DNAH9: variants seen among roughly 807,000 people sequenced by gnomAD.
DNAH9 encodes the protein dynein axonemal heavy chain 9, also known as DNAH9 variant protein.
Under a neutral mutation model 471.6 loss-of-function variants are expected in DNAH9, and 345 were observed. The ratio of observed to expected loss-of-function variants is 0.73; its 90% confidence interval spans 0.67 to 0.80. The LOEUF is 0.80. Among genes scored for constraint, DNAH9 ranks in the 30% least tolerant of loss-of-function variants. The pLI is 0.00. For missense variants in DNAH9, 5,407 were observed against 5,609.2 expected, an observed-to-expected ratio of 0.96 and a Z score of 1.15; for synonymous variants, 2,093 against 2,123.6, an observed-to-expected ratio of 0.99 and a Z score of 0.40.
At chr17:11,718,609 A>G (rs537969259) in intron 26 of DNAH9, among the ~76,000 whole-genome samples, 1 of 152,376 alleles carries the variant, frequency 6.6e-6, no homozygotes, top group South Asian at 2.1e-4. Context: ...AAAGGATTAA[A>G]TGGATTGAAT....
chr17:11,878,326 G>C (rs373055167), intron 53 of DNAH9, among the ~76,000 whole-genome samples: 1 of 152,100 alleles, frequency 6.6e-6, no homozygotes, highest in African/African-American at 2.4e-5. Flanking sequence ...TGCATTATAT[G>C]TAATATGTAT....
At chr17:11,779,049 G>A (rs1968571037) in intron 38 of DNAH9, among the ~76,000 whole-genome samples, 1 of 152,012 alleles carries the variant, frequency 6.6e-6, no homozygotes, top group Non-Finnish European at 1.5e-5. Flanking sequence ...AGTATAAGAT[G>A]GCAGTGCAAT....
chr17:11,941,996 C>T (rs1974935193), intron 66 of DNAH9, among the ~76,000 whole-genome samples: 1 of 152,212 alleles, frequency 6.6e-6, no homozygotes, highest in Admixed American at 6.5e-5. Flanking sequence ...ATTCCCACAG[C>T]CAACTGGATC....
rs1555621039 is a variant in DNAH9, at chr17:11,920,035, C to CTTTCT, written c.11750-3776_11750-3775insCTTTT. ...GAAATGAAATGGAGCTAAGTTCTTT[C>CTTTCT]TTTTTTTTTTTTTTTTGAGACAGAG... On this transcript the variant is annotated intron_variant, in intron 61 of 68. Transcript: ENST00000262442. Among the ~76,000 whole-genome samples the CTTTCT allele has an allele frequency of 6.6e-5, 9 of 135,954 alleles. 1 individual carries two copies. The highest frequency in any genetic ancestry group is 3.2e-5 in the Non-Finnish European group (2 of 63,110). The allele number at this position is 135,954 out of a possible 152,430, so 89.2% of individuals were successfully genotyped here.
intron 29 of DNAH9, among the ~76,000 whole-genome samples, chr17:11,741,606 A>C (rs1177353837): frequency 6.6e-6 from 1 of 152,162 alleles, no homozygotes; most frequent in East Asian, 1.9e-4. Flanking sequence ...AATGGCAAAA[A>C]CCACAGTTAC....
chr17:11,894,558 G>T (rs1973165327), intron 59 of DNAH9, 62 bp downstream of exon 59: 2 of 1,588,604 alleles, frequency 1.3e-6, no homozygotes, highest in South Asian at 1.1e-5. Context: ...CTCTGACACT[G>T]GTCCCCATGA....
rs1175271894 is a variant in DNAH9, at chr17:11,690,262, G to C, written c.4440G>C (p.Gln1480His). The change falls in exon 20 of 69, where the codon CAG becomes CAC. Residue 1480 changes from glutamine (Q) to histidine (H), a missense_variant. Physicochemically the swap from Gln to His is conservative, Grantham distance 24 (BLOSUM62 0). This residue lies in a region of DNAH9 where 4,636 missense variants were observed against 4,900.3 expected (regional missense o/e 0.95). Transcript: ENST00000262442. ...EVLEDNQVQL[Q>H]NLVMSKYVAF... ...TGGAGGATAATCAAGTTCAACTTCAGAACCTGGTGATGTCCAAGTATGTTG... is the reference window on the plus strand; with the variant it reads ...TGGAGGATAATCAAGTTCAACTTCACAACCTGGTGATGTCCAAGTATGTTG... The C allele has an allele frequency of 7.4e-6, 12 of 1,614,222 alleles. No individual in the cohort carries two copies. The South Asian group carries it at 8.8e-5, about 12-fold the overall frequency.
At chr17:11,834,616 G>A in intron 48 of DNAH9, 22 bp from the exon 49 acceptor site, 1 of 1,613,242 alleles carries the variant, frequency 6.2e-7, no homozygotes. Context: ...CTCCTGATAA[G>A]TCCCGTGCTT....
At chr17:11,738,446 T>C (rs1039570950) in intron 28 of DNAH9, among the ~76,000 whole-genome samples, 2 of 152,188 alleles carry the variant, frequency 1.3e-5, no homozygotes, top group Non-Finnish European at 2.9e-5. Flanking sequence ...AGTAGCATGA[T>C]CTCGGCTCAC....
At chr17:11,934,970 C>A (rs892180318) in intron 65 of DNAH9, among the ~76,000 whole-genome samples, 1 of 152,076 alleles carries the variant, frequency 6.6e-6, no homozygotes, top group Admixed American at 6.5e-5. Flanking sequence ...GCTTTCTTTT[C>A]TTTTCTTTTA....
chr17:11,893,351 T>C (rs1399056785), intron 58 of DNAH9, among the ~76,000 whole-genome samples: 1 of 152,080 alleles, frequency 6.6e-6, no homozygotes. Context: ...TATCCCCATC[T>C]CTTAGCTTCT....
At chr17:11,646,943 C>A in intron 11 of DNAH9, 129 bp from the exon 12 acceptor site, 1 of 850,614 alleles carries the variant, frequency 1.2e-6, no homozygotes, top group Non-Finnish European at 1.8e-6. Context: ...TGTGGTTACT[C>A]TCAGAAGCTG....
At chr17:11,821,536 T>A (rs9898855) in intron 45 of DNAH9, among the ~76,000 whole-genome samples, 7,530 of 152,174 alleles carry the variant, frequency 0.049, 629 homozygotes, top group African/African-American at 0.17. Context: ...CGGGGGTCTT[T>A]TAGGTATTTT....
chr17:11,902,985 G>A, intron 60 of DNAH9, 73 bp downstream of exon 60: 2 of 1,502,672 alleles, frequency 1.3e-6, no homozygotes, highest in Non-Finnish European at 1.8e-6. Context: ...TGGACCAGCA[G>A]GGCTGAGCTC....
intron 35 of DNAH9, among the ~76,000 whole-genome samples, chr17:11,761,303 C>T (rs151215109): frequency 6.6e-4 from 100 of 152,300 alleles, no homozygotes; most frequent in African/African-American, 2.2e-3. Context: ...GGGAAAGAGG[C>T]GTGTTTTTGA....
At position 11,624,247 on chromosome 17, in the gene DNAH9, G is replaced by A. The variant is rs147062321; in HGVS notation, c.1350+4466G>A. On this transcript the variant is annotated intron_variant, in intron 6 of 68. Coordinates refer to ENST00000262442, the MANE Select transcript of DNAH9 (RefSeq NM_001372.4). ...ACTGGGGCCGGGTGCAGTGGCTTAC[G>A]CCTGTAATCCCAACACTTTGGGAGG... Among the ~76,000 whole-genome samples the A allele has an allele frequency of 1.1e-3, 172 of 152,334 alleles. 1 individual carries two copies. Among genetic ancestry groups the A allele is most frequent in the East Asian group, 5.0e-3 (26 of 5,180 alleles).
intron 53 of DNAH9, among the ~76,000 whole-genome samples, 175 bp downstream of exon 53, chr17:11,875,359 A>G (rs1972435008): frequency 6.6e-6 from 1 of 152,034 alleles, no homozygotes; most frequent in African/African-American, 2.4e-5. Context: ...CCTGGGTACT[A>G]AGTCTTTGCT....
At chr17:11,884,282 C>T (rs1443305484) in intron 56 of DNAH9, 3 of 209,440 alleles carry the variant, frequency 1.4e-5, no homozygotes, top group African/African-American at 2.3e-5. Flanking sequence ...CTGTGTGTAG[C>T]TTCCTTTATT....
Position 11,942,491 on chromosome 17 carries a change from C to A in DNAH9, c.12843+6C>A. The A allele has an allele frequency of 6.2e-7, 1 of 1,612,146 alleles. No individual in the cohort carries two copies. The highest frequency in any genetic ancestry group is 8.5e-7 in the Non-Finnish European group (1 of 1,179,042). ...AGCTGGAGCTCGGCTTAAAGGTGAG[C>A]GCGGTCTTGTAAGGCATGGAGGGGA... On this transcript the variant is annotated splice_donor_region_variant and intron_variant, in intron 67 of 68. Transcript: ENST00000262442.
Sources: gnomAD v4.1 joint callset for allele counts (sites outside exome capture counted in the v4.1 genomes callset) on GRCh38, gnomAD v4.1.1 for gene constraint, gnomAD v4.1.1 regional missense constraint, MANE v1.5 for transcripts, NCBI Gene and HGNC (gene_info 2026-07-23, HGNC 2026-07-21) for gene names.